RASGRP3: variants seen among roughly 807,000 people sequenced by gnomAD.
RASGRP3 encodes RAS guanyl releasing protein 3.
Under a neutral mutation model 82.7 loss-of-function variants are expected in RASGRP3, and 54 were observed. The ratio of observed to expected loss-of-function variants is 0.65; its 90% CI spans 0.52 to 0.82. RASGRP3 has a LOEUF of 0.82. RASGRP3 is among the 40% of genes least tolerant of loss of function. RASGRP3 has a pLI of 0.00. For missense variants in RASGRP3, 861 were observed against 828.9 expected, an observed-to-expected ratio of 1.04 and a Z score of -0.48; for synonymous variants, 309 against 300.5, an observed-to-expected ratio of 1.03 and a Z score of -0.29.
upstream of RASGRP3, among the ~76,000 whole-genome samples, chr2:33,472,867 T>A (rs1667140015): frequency 1.1e-5 from 1 of 89,786 alleles, no homozygotes. Flanking sequence ...CAAGACTCCG[T>A]CTCAAAAAAA....
intron 2 of RASGRP3, among the ~76,000 whole-genome samples, chr2:33,460,676 G>A (rs569528584): frequency 1.1e-3 from 166 of 152,040 alleles, no homozygotes; most frequent in African/African-American, 3.9e-3. Context: ...CGCCATGCCC[G>A]GCTAATTTTT....
chr2:33,475,964 C>G (rs767561835), upstream of RASGRP3, among the ~76,000 whole-genome samples: 5 of 152,200 alleles, frequency 3.3e-5, no homozygotes, highest in South Asian at 2.1e-4. Context: ...GAAGTTTGGT[C>G]TAAAGCTACC....
intron 1 of RASGRP3, among the ~76,000 whole-genome samples, chr2:33,479,801 A>G (rs559726965): frequency 6.6e-6 from 1 of 152,214 alleles, no homozygotes; most frequent in Admixed American, 6.5e-5. Context: ...TCCTTTTAAA[A>G]ATGTCATTTG....
At chr2:33,439,282 A>G (rs565145097) in intron 1 of RASGRP3, among the ~76,000 whole-genome samples, 2 of 152,348 alleles carry the variant, frequency 1.3e-5, no homozygotes, top group South Asian at 2.1e-4. Flanking sequence ...CAAATTAATG[A>G]CGTAGATAAT....
intron 11 of RASGRP3, among the ~76,000 whole-genome samples, chr2:33,535,431 A>G (rs964745619): frequency 2.0e-5 from 3 of 152,262 alleles, no homozygotes; most frequent in African/African-American, 7.2e-5. Flanking sequence ...CAGTTCTCTT[A>G]TAAAGATCTC....
intron 14 of RASGRP3, among the ~76,000 whole-genome samples, chr2:33,550,734 T>C (rs1675275346): frequency 1.3e-5 from 2 of 152,204 alleles, no homozygotes; most frequent in South Asian, 4.1e-4. Context: ...ATATTGAATT[T>C]GTTGCCGATA....
At chr2:33,489,268 C>A (rs1162799711) in intron 1 of RASGRP3, among the ~76,000 whole-genome samples, 2 of 152,206 alleles carry the variant, frequency 1.3e-5, no homozygotes, top group African/African-American at 4.8e-5. Context: ...AACATGCCTT[C>A]AAAGACACTT....
At chr2:33,475,861 C>T (rs527325290), upstream of RASGRP3, among the ~76,000 whole-genome samples, 168 of 152,318 alleles carry the variant, frequency 1.1e-3, no homozygotes, top group Non-Finnish European at 2.1e-3. Context: ...GTCTGTAAAG[C>T]GCGTTGTCAA....
chr2:33,558,281 G>A lies in RASGRP3; in HGVS notation c.1650G>A (p.Ala550=), dbSNP rs376806433. 111 of 1,613,518 alleles carry A rather than the reference G, an allele frequency of 6.9e-5. No individual in the cohort carries two copies. Among genetic ancestry groups the A allele is most frequent in the East Asian group, 1.3e-4 (6 of 44,844 alleles). The change falls in exon 16 of 18, where the codon GCG becomes GCA. Residue 550 remains alanine, a synonymous_variant. Transcript: ENST00000403687. ...LVLACRRFAR[A]PSLSSGHGSL... The stretch of plus-strand genomic sequence containing the variant: ...TGGCCTGCAGGAGATTTGCCCGGGC[G>A]CCCTCCTTGAGCAGTGGTCATGGGT...
chr2:33,557,134 A>C (rs959629700), intron 15 of RASGRP3, among the ~76,000 whole-genome samples: 2 of 152,186 alleles, frequency 1.3e-5, no homozygotes, highest in African/African-American at 2.4e-5. Flanking sequence ...GATCATCTCT[A>C]TTCAATGATT....
chr2:33,507,265 C>T (rs917733835), intron 1 of RASGRP3, among the ~76,000 whole-genome samples: 7 of 151,994 alleles, frequency 4.6e-5, no homozygotes, highest in Admixed American at 3.3e-4. Context: ...CATGATGGTG[C>T]GTGCCTGTAA....
intron 12 of RASGRP3, among the ~76,000 whole-genome samples, chr2:33,543,175 G>A (rs1674428611): frequency 6.6e-6 from 1 of 152,080 alleles, no homozygotes; most frequent in African/African-American, 2.4e-5. Flanking sequence ...ACCGTGCCCA[G>A]CTAATTAAAA....
At chr2:33,510,683 G>T (rs184008879) in intron 1 of RASGRP3, among the ~76,000 whole-genome samples, 1 of 152,176 alleles carries the variant, frequency 6.6e-6, no homozygotes, top group African/African-American at 2.4e-5. Flanking sequence ...AGCACTCAGC[G>T]TTCTGCAGGC....
intron 1 of RASGRP3, among the ~76,000 whole-genome samples, chr2:33,493,624 A>G (rs1387285120): frequency 6.6e-6 from 1 of 151,658 alleles, no homozygotes; most frequent in Non-Finnish European, 1.5e-5. Flanking sequence ...TCTCAAGCTT[A>G]CCTCCACCAA....
At chr2:33,526,974 T>A (rs1296906484) in intron 9 of RASGRP3, among the ~76,000 whole-genome samples, 163 bp from the exon 10 acceptor site, 1 of 152,196 alleles carries the variant, frequency 6.6e-6, no homozygotes, top group African/African-American at 2.4e-5. Context: ...GCCTAGTACT[T>A]TTTCTAACTT....
At chr2:33,558,492 C>T (rs1676267134) in intron 16 of RASGRP3, among the ~76,000 whole-genome samples, 156 bp downstream of exon 16, 1 of 152,142 alleles carries the variant, frequency 6.6e-6, no homozygotes. Context: ...TTGAATCATC[C>T]TTGCTTCTCT....
At chr2:33,489,368 G>A (rs1418135577) in intron 1 of RASGRP3, among the ~76,000 whole-genome samples, 4 of 152,046 alleles carry the variant, frequency 2.6e-5, no homozygotes, top group Non-Finnish European at 4.4e-5. Context: ...CTGCTGCATC[G>A]GCGTCAGGGT....
chr2:33,452,629 T>C (rs1665859657), intron 2 of RASGRP3, among the ~76,000 whole-genome samples: 1 of 152,146 alleles, frequency 6.6e-6, no homozygotes, highest in Non-Finnish European at 1.5e-5. Flanking sequence ...CCTGAGTTCA[T>C]AGAGGCCCAC....
At chr2:33,522,915 C>T (rs1253691532) in intron 7 of RASGRP3, among the ~76,000 whole-genome samples, 1 of 152,160 alleles carries the variant, frequency 6.6e-6, no homozygotes, top group Non-Finnish European at 1.5e-5. Context: ...CACAGGCAGG[C>T]CATGGGAGTC....
Sources: allele counts gnomAD v4.1 joint callset (sites outside exome capture counted in the v4.1 genomes callset), GRCh38; gene constraint gnomAD v4.1.1; transcripts MANE v1.5; gene names NCBI Gene and HGNC (gene_info 2026-07-23, HGNC 2026-07-21).